THUMPD3: variants seen among roughly 807,000 people sequenced by gnomAD.
THUMPD3 encodes the protein THUMP domain 3 tRNA guanosine methyltransferase.
THUMPD3 carries 44 observed loss-of-function variants against 54.5 expected under a neutral mutation model. That is an observed-to-expected ratio of 0.81 (90% CI 0.63 to 1.04). THUMPD3 has a LOEUF of 1.04. THUMPD3 is among the 50% of genes least tolerant of loss of function. The probability of loss-of-function intolerance (pLI) is 0.00; values close to 1 mark genes in which losing one functional copy is unlikely to be tolerated. For synonymous variants in THUMPD3, 196 were observed against 201.4 expected (o/e 0.97, Z 0.23); for missense variants, 604 against 601.3 (o/e 1.00, Z -0.05).
intron 1 of THUMPD3, among the ~76,000 whole-genome samples, chr3:9,364,398 G>C (rs1055142988): frequency 4.0e-5 from 6 of 151,786 alleles, no homozygotes; most frequent in Non-Finnish European, 8.8e-5. Flanking sequence ...CCCAGCCGGA[G>C]TGCAGTGGCA....
chr3:9,371,723 T>G (rs1239838475), intron 4 of THUMPD3, among the ~76,000 whole-genome samples, 187 bp downstream of exon 4: 2 of 152,252 alleles, frequency 1.3e-5, no homozygotes, highest in Non-Finnish European at 2.9e-5. Context: ...TTGGACTAGA[T>G]AGTCTCTGAG....
At position 9,384,522 on chromosome 3, in the gene THUMPD3, A is replaced by G; in HGVS notation, c.1360-2A>G. The G allele has an allele frequency of 6.2e-7, 1 of 1,614,136 alleles. No homozygotes were observed. Among genetic ancestry groups the G allele is most frequent in the Non-Finnish European group, 8.5e-7 (1 of 1,180,026 alleles). On this transcript the variant is annotated splice_acceptor_variant, in intron 9 of 9. Transcript: ENST00000452837. LOFTEE classifies it high-confidence loss of function. ...ATTGTTATTTTTTTTGTGTGTACACAGGCGTTATCTGGAATGCGACACGTA... is the reference window on the plus strand; with the variant it reads ...ATTGTTATTTTTTTTGTGTGTACACGGGCGTTATCTGGAATGCGACACGTA...
At position 9,366,828 on chromosome 3, in the gene THUMPD3, A is replaced by AT. The variant is rs2031601444; in HGVS notation, c.253-74dup. 9.4e-6 allele frequency: 11 copies of AT among 1,175,342 alleles called. No individual in the cohort carries two copies. The South Asian group carries it at 1.6e-4, about 17-fold the overall frequency. The allele number at this position is 1,175,342 out of a possible 1,614,324, so 72.8% of individuals were successfully genotyped here. On this transcript the variant is annotated intron_variant, in intron 2 of 9. Transcript: ENST00000452837. ...AGCTGCTTTAAAACTATCATTCCTA[A>AT]TTTTTTAAATACTTAATTGTTGATA...
At position 9,385,037 on chromosome 3, in the gene THUMPD3, G is replaced by T; in HGVS notation, c.*349G>T. Reference sequence around the variant, plus strand: ...CGCCTGTAATCCCAACTACTCAGGAGGCTGAGGCTAGAGAATCACTTGAAC... The same window carrying T: ...CGCCTGTAATCCCAACTACTCAGGATGCTGAGGCTAGAGAATCACTTGAAC... On this transcript the variant is annotated 3_prime_UTR_variant, in exon 10 of 10. Transcript: ENST00000452837. The T allele has an allele frequency of 4.8e-6, 1 of 207,956 alleles. No homozygotes were observed. Among genetic ancestry groups the T allele is most frequent in the Non-Finnish European group, 1.0e-5 (1 of 99,956 alleles). 12.9% of individuals were successfully genotyped at this position (207,956 alleles called of 1,614,324 possible).
rs1487943825 is a variant in THUMPD3, at chr3:9,383,449, TTA to T, written c.1235+142_1235+143del. On this transcript the variant is annotated intron_variant, in intron 8 of 9. Coordinates refer to ENST00000452837, the MANE Select transcript of THUMPD3 (RefSeq NM_001114092.2). ...CTTAACAACATGATGGATTCACCCA[TTA>T]TGTTTCTTCCGAGAACTCAGGAATG... The T allele has an allele frequency of 2.3e-5, 14 of 605,638 alleles. No individual in the cohort carries two copies. The East Asian group carries it at 2.3e-4, about 10-fold the overall frequency. The allele number at this position is 605,638 out of a possible 1,614,324, so 37.5% of individuals were successfully genotyped here.
At position 9,371,509 on chromosome 3, in the gene THUMPD3, G is replaced by T. The variant is rs1019679531; in HGVS notation, c.780G>T (p.Lys260Asn). ...CTGTTCAAGATTATTTTAAGTGGAAGGCCGACATGACCAACTTTGATGTGG... is the reference window on the plus strand; with the variant it reads ...CTGTTCAAGATTATTTTAAGTGGAATGCCGACATGACCAACTTTGATGTGG... Reference protein sequence around the residue: ...GGAVQDYFKWKADMTNFDVEV... With the variant: ...GGAVQDYFKWNADMTNFDVEV... Residue 260 changes from lysine to asparagine, a missense_variant, in exon 4 of 10, where the codon AAG becomes AAT. By Grantham distance (94) the Lys-to-Asn change is moderately conservative. Coordinates refer to ENST00000452837, the MANE Select transcript of THUMPD3 (RefSeq NM_001114092.2). 6.2e-7 allele frequency: 1 copy of T among 1,613,320 alleles called. No individual in the cohort carries two copies. The highest frequency in any genetic ancestry group is 8.5e-7 in the Non-Finnish European group (1 of 1,179,720).
At chr3:9,370,979 CT>C (rs1015826334) in intron 3 of THUMPD3, 80 bp from the exon 4 acceptor site, 4 of 1,210,982 alleles carry the variant, frequency 3.3e-6, no homozygotes, top group Non-Finnish European at 3.5e-6. Flanking sequence ...CGGATACCAA[CT>C]GTCCATAAGC....
intron 1 of THUMPD3, chr3:9,363,806 C>CTTTTTTTTTTTTTTTTTTTTTT (rs56359034): frequency 1.1e-5 from 1 of 88,924 alleles, no homozygotes; most frequent in Non-Finnish European, 2.2e-5. Flanking sequence ...TTAATTTTTT[C>CTTTTTTTTTTTTTTTTTTTTTT]TTTTTTTTTT....
At chr3:9,372,361 C>G (rs1183541065) in intron 4 of THUMPD3, among the ~76,000 whole-genome samples, 1 of 152,128 alleles carries the variant, frequency 6.6e-6, no homozygotes, top group African/African-American at 2.4e-5. Flanking sequence ...AGGTGGATCA[C>G]TTGAGGTCAG....
Position 9,374,587 on chromosome 3 carries a change from A to T in THUMPD3, c.879A>T (p.Arg293Ser). 6.2e-7 allele frequency: 1 copy of T among 1,614,164 alleles called. No individual in the cohort carries two copies. Among genetic ancestry groups the T allele is most frequent in the Non-Finnish European group, 8.5e-7 (1 of 1,180,002 alleles). Reference protein sequence around the residue: ...IALTEESLHRRNITHFGPTTL... With the variant: ...IALTEESLHRSNITHFGPTTL... ...TGACTGAAGAGAGTCTCCACCGAAGAAATATAACACATTTTGGACCTACAA... is the reference window on the plus strand; with the variant it reads ...TGACTGAAGAGAGTCTCCACCGAAGTAATATAACACATTTTGGACCTACAA... The change falls in exon 5 of 10, where the codon AGA becomes AGT. Residue 293 changes from arginine to serine, a missense_variant. Physicochemically the swap from Arg to Ser is moderately radical, Grantham distance 110. Transcript: ENST00000452837.
intron 4 of THUMPD3, among the ~76,000 whole-genome samples, chr3:9,374,164 A>G (rs140190293): frequency 1.9e-4 from 29 of 152,334 alleles, no homozygotes; most frequent in Middle Eastern, 6.8e-3. Flanking sequence ...CATATAGTAT[A>G]TAGTTTTTTT....
intron 7 of THUMPD3, among the ~76,000 whole-genome samples, chr3:9,381,401 G>T (rs1378662922): frequency 6.6e-6 from 1 of 152,160 alleles, no homozygotes; most frequent in African/African-American, 2.4e-5. Context: ...AATCACCTAG[G>T]AGTACTGTTA....
At chr3:9,367,666 CTT>C (rs1397958562) in intron 3 of THUMPD3, among the ~76,000 whole-genome samples, 1 of 152,142 alleles carries the variant, frequency 6.6e-6, no homozygotes, top group Non-Finnish European at 1.5e-5. Context: ...AATTGTCTAA[CTT>C]TTATTTATTG....
intron 5 of THUMPD3, 140 bp from the exon 6 acceptor site, chr3:9,377,679 A>G: frequency 1.6e-6 from 1 of 622,000 alleles, no homozygotes; most frequent in East Asian, 2.9e-5. Flanking sequence ...GCGGCCACAA[A>G]TTGATTTCTA....
Position 9,366,992 on chromosome 3 carries a change from TA to T in THUMPD3, c.330+8del. ...CCAGTTCAAACAAACAAAGGTGAGC[TA>T]TCCTAAACATGGTGGCTGATTTTTG... On this transcript the variant is annotated splice_region_variant and intron_variant, in intron 3 of 9. Coordinates refer to ENST00000452837, the MANE Select transcript of THUMPD3 (RefSeq NM_001114092.2). The T allele has an allele frequency of 6.2e-7, 1 of 1,605,868 alleles. No individual in the cohort carries two copies. The highest frequency in any genetic ancestry group is 1.1e-5 in the South Asian group (1 of 89,212).
chr3:9,376,161 GT>G (rs1437361415), intron 5 of THUMPD3, among the ~76,000 whole-genome samples: 1 of 152,134 alleles, frequency 6.6e-6, no homozygotes, highest in Non-Finnish European at 1.5e-5. Context: ...AAGTAATCAA[GT>G]TTAGGATAAA....
In THUMPD3 at chr3:9,384,542, C is replaced by T. The variant is rs772621893; in HGVS notation, c.1378C>T (p.His460Tyr). Residue 460 changes from histidine (H) to tyrosine (Y), a missense_variant, in exon 10 of 10, where the codon CAC becomes TAC. By Grantham distance (83) the His-to-Tyr change is moderately conservative. Coordinates refer to ENST00000452837, the MANE Select transcript of THUMPD3 (RefSeq NM_001114092.2). Reference protein sequence around the residue: ...CFTKALSGMRHVWRKVDTVWV... With the variant: ...CFTKALSGMRYVWRKVDTVWV... ...TACACAGGCGTTATCTGGAATGCGA[C>T]ACGTATGGCGAAAGGTGGATACAGT... 6.2e-7 allele frequency: 1 copy of T among 1,614,156 alleles called. No homozygotes were observed. Among genetic ancestry groups the T allele is most frequent in the Non-Finnish European group, 8.5e-7 (1 of 1,180,038 alleles).
chr3:9,382,930 G>C (rs1217010225), intron 7 of THUMPD3: 1 of 317,176 alleles, frequency 3.2e-6, no homozygotes, highest in East Asian at 5.9e-5. Flanking sequence ...AGGTCTCACA[G>C]TGTTGCTCAG....
intron 6 of THUMPD3, 111 bp downstream of exon 6, chr3:9,377,999 G>T: frequency 1.2e-6 from 1 of 859,454 alleles, no homozygotes; most frequent in Non-Finnish European, 1.8e-6. Context: ...GTGGACCCAA[G>T]AGTTTTAAAA....
Sources: allele counts gnomAD v4.1 joint callset (sites outside exome capture counted in the v4.1 genomes callset), GRCh38; gene constraint gnomAD v4.1.1; transcripts MANE v1.5; gene names NCBI Gene and HGNC (gene_info 2026-07-23, HGNC 2026-07-21).